SGPL1: variants seen among roughly 807,000 people sequenced by gnomAD.
SGPL1 encodes sphingosine-1-phosphate lyase 1, also known as SP-lyase 1.
Under a neutral mutation model 68.9 loss-of-function variants are expected in SGPL1, and 37 were observed. The observed-to-expected ratio is 0.54, with a 90% CI of 0.41 to 0.71. The LOEUF (loss-of-function observed/expected upper bound fraction) is 0.71. Among genes scored for constraint, SGPL1 ranks in the 30% least tolerant of loss-of-function variants. SGPL1 has a pLI of 0.00. For synonymous variants in SGPL1, 236 were observed against 248.5 expected (o/e 0.95, Z 0.47); for missense variants, 551 against 704.6 (o/e 0.78, Z 2.47).
chr10:70,872,317 G>A (rs1468491346), intron 11 of SGPL1, among the ~76,000 whole-genome samples: 1 of 152,230 alleles, frequency 6.6e-6, no homozygotes, highest in Admixed American at 6.5e-5. Context: ...CTGATTTGAG[G>A]TGGAGGGTAG....
intron 3 of SGPL1, among the ~76,000 whole-genome samples, chr10:70,849,389 C>T (rs1156862547): frequency 6.6e-6 from 1 of 152,178 alleles, no homozygotes; most frequent in African/African-American, 2.4e-5. Flanking sequence ...GAGGAGGATA[C>T]AGTTATTTTA....
At chr10:70,844,673 G>A (rs1249601810) in intron 3 of SGPL1, 35 bp downstream of exon 3, 13 of 1,578,084 alleles carry the variant, frequency 8.2e-6, no homozygotes, top group Non-Finnish European at 1.1e-5. Flanking sequence ...AGGTATAGTG[G>A]TGTGTCACTA....
In SGPL1 at chr10:70,859,514, G is replaced by A. The variant is rs536766869; in HGVS notation, c.615+15G>A. On this transcript the variant is annotated intron_variant, in intron 7 of 14. Coordinates refer to ENST00000373202, the MANE Select transcript of SGPL1 (RefSeq NM_003901.4). ...CGTGTGGATGTGTAAGTATATGCAAGGGGCATCCAATAGCCTTATTTTTTA... is the reference window on the plus strand; with the variant it reads ...CGTGTGGATGTGTAAGTATATGCAAAGGGCATCCAATAGCCTTATTTTTTA... 1.4e-5 allele frequency: 20 copies of A among 1,414,040 alleles called. No individual in the cohort carries two copies. The South Asian group carries it at 2.8e-4, about 20-fold the overall frequency. 87.6% of individuals were successfully genotyped at this position (1,414,040 alleles called of 1,614,324 possible).
intron 2 of SGPL1, among the ~76,000 whole-genome samples, chr10:70,842,308 C>T (rs1269320314): frequency 2.0e-5 from 3 of 152,076 alleles, no homozygotes; most frequent in Admixed American, 6.6e-5. Context: ...AACGAACATG[C>T]GTTTAAAATG....
intron 4 of SGPL1, among the ~76,000 whole-genome samples, chr10:70,852,445 G>T (rs1439864963): frequency 6.6e-6 from 1 of 152,188 alleles, no homozygotes; most frequent in Non-Finnish European, 1.5e-5. Context: ...AGTATAAGGG[G>T]TGGGGACAGG....
chr10:70,871,263 A>G, intron 10 of SGPL1, 117 bp downstream of exon 10: 1 of 635,046 alleles, frequency 1.6e-6, no homozygotes, highest in Non-Finnish European at 2.7e-6. Flanking sequence ...CACAGTAGTG[A>G]TAAGTAGCTC....
rs1430515279 is a variant in SGPL1 at position 70,880,343 on chromosome 10, C to T, written c.*3008C>T. On this transcript the variant is annotated 3_prime_UTR_variant, in exon 15 of 15. Coordinates refer to ENST00000373202, the MANE Select transcript of SGPL1 (RefSeq NM_003901.4). ...TGGTCCTTGCACCAGCAGTGGTAGT[C>T]GTACCTATTTCAGAGAGGTCTGAAA... 3.3e-5 allele frequency: 5 copies of T among 152,252 alleles called. No homozygotes were observed. Among genetic ancestry groups the T allele is most frequent in the Non-Finnish European group, 7.3e-5 (5 of 68,046 alleles). The allele number at this position is 152,252 out of a possible 1,614,324, so 9.4% of individuals were successfully genotyped here. A position where few individuals can be genotyped will look rare whatever the true frequency, so the allele number is the denominator to read the frequency against.
chr10:70,825,782 C>T (rs1325503114), intron 2 of SGPL1, among the ~76,000 whole-genome samples: 3 of 152,152 alleles, frequency 2.0e-5, no homozygotes. Flanking sequence ...GAAAATTTTT[C>T]ATGTGTCCAG....
At chr10:70,842,569 T>C (rs1026449073) in intron 2 of SGPL1, among the ~76,000 whole-genome samples, 3 of 152,022 alleles carry the variant, frequency 2.0e-5, no homozygotes, top group Admixed American at 2.0e-4. Flanking sequence ...AAGGCAAAAC[T>C]TGAGCAGGCA....
At position 70,861,971 on chromosome 10, in the gene SGPL1, C is replaced by T. The variant is rs1032816046; in HGVS notation, c.615+2472C>T. Among the ~76,000 whole-genome samples, 4 of 152,230 alleles carry T rather than the reference C, an allele frequency of 2.6e-5. No individual in the cohort carries two copies. In the East Asian group the frequency reaches 5.8e-4, roughly 22 times the overall value. On this transcript the variant is annotated intron_variant, in intron 7 of 14. Coordinates refer to ENST00000373202, the MANE Select transcript of SGPL1 (RefSeq NM_003901.4). ...TGGCCCCAGCCTCCTTGACGAGCGC[C>T]ACTCCCTGCTCCACGGCGCCCAGTC...
At chr10:70,866,298 G>C (rs1338151989) in intron 7 of SGPL1, 4 of 151,752 alleles carry the variant, frequency 2.6e-5, no homozygotes, top group Non-Finnish European at 1.5e-5. Flanking sequence ...GAGGTGGGAG[G>C]ATCTCTTAGG....
intron 2 of SGPL1, among the ~76,000 whole-genome samples, chr10:70,836,414 C>T (rs1018123803): frequency 1.3e-5 from 2 of 152,208 alleles, no homozygotes; most frequent in African/African-American, 4.8e-5. Flanking sequence ...CTCTTTCTAT[C>T]AGTTTGACTG....
chr10:70,841,374 A>T (rs2131879832), intron 2 of SGPL1, among the ~76,000 whole-genome samples: 1 of 152,316 alleles, frequency 6.6e-6, no homozygotes, highest in East Asian at 1.9e-4. Context: ...GTGGTGGCAT[A>T]TAAACAAAAG....
chr10:70,866,578 C>T (rs1324311955), intron 7 of SGPL1: 1 of 152,184 alleles, frequency 6.6e-6, no homozygotes, highest in East Asian at 1.9e-4. Context: ...GAGATTGTTG[C>T]ACTGGTGACT....
chr10:70,850,020 CAG>C (rs1347067920), intron 3 of SGPL1, among the ~76,000 whole-genome samples: 3 of 152,120 alleles, frequency 2.0e-5, no homozygotes, highest in African/African-American at 7.2e-5. Flanking sequence ...ATGCTGTTGT[CAG>C]AGTCAGTCGA....
chr10:70,874,189 C>T (rs951050414), intron 12 of SGPL1, among the ~76,000 whole-genome samples: 3 of 152,186 alleles, frequency 2.0e-5, no homozygotes, highest in Non-Finnish European at 2.9e-5. Flanking sequence ...TATCTGTTAA[C>T]ATCTTATCTG....
chr10:70,871,068 C>T lies in SGPL1; in HGVS notation c.831C>T (p.Ser277=). The T allele has an allele frequency of 6.2e-7, 1 of 1,613,778 alleles. No individual in the cohort carries two copies. The highest frequency in any genetic ancestry group is 8.5e-7 in the Non-Finnish European group (1 of 1,179,676). ...CCTAGGCAATGAGAAGAGCTATCTC[C>T]AGGAACACTGCCATGCTCGTCTGTT... ...VDVRAMRRAI[S]RNTAMLVCST... The change falls in exon 10 of 15, where the codon TCC becomes TCT. Residue 277 remains serine, a synonymous_variant. Coordinates refer to ENST00000373202, the MANE Select transcript of SGPL1 (RefSeq NM_003901.4).
chr10:70,869,871 A>G lies in SGPL1; in HGVS notation c.784A>G (p.Thr262Ala), dbSNP rs1846260873. 1 of 1,614,040 alleles carries G rather than the reference A, an allele frequency of 6.2e-7. No individual in the cohort carries two copies. The highest frequency in any genetic ancestry group is 8.5e-7 in the Non-Finnish European group (1 of 1,179,964). ...FGMKIVRVPL[T>A]KMMEVDVRAM... ...GATGAAGATTGTGCGGGTCCCATTG[A>G]CGAAGATGATGGAGGTGGATGTGCG... Residue 262 changes from threonine (T) to alanine (A), a missense_variant, in exon 9 of 15, where the codon ACG (threonine) becomes GCG (alanine). Coordinates refer to ENST00000373202, the MANE Select transcript of SGPL1 (RefSeq NM_003901.4).
chr10:70,829,906 AT>A (rs1340557420), intron 2 of SGPL1, among the ~76,000 whole-genome samples: 6 of 152,292 alleles, frequency 3.9e-5, no homozygotes, highest in African/African-American at 7.2e-5. Context: ...GGATAAAAAA[AT>A]ATTCTTTAAA....
Sources: allele counts gnomAD v4.1 joint callset (sites outside exome capture counted in the v4.1 genomes callset), GRCh38; gene constraint gnomAD v4.1.1; transcripts MANE v1.5; gene names NCBI Gene and HGNC (gene_info 2026-07-23, HGNC 2026-07-21).